The following TRRAP variants were observed in gnomAD, a reference collection of about 807,000 sequenced individuals.
The protein encoded by TRRAP is transformation/transcription domain-associated protein.
In TRRAP, 41 loss-of-function variants were observed where a neutral mutation model predicts 438.8. That is an observed-to-expected ratio of 0.09 (90% confidence interval 0.07 to 0.12). The LOEUF (loss-of-function observed/expected upper bound fraction) is 0.12, where lower values mean the gene tolerates loss of function less well. TRRAP is among the 10% of genes least tolerant of loss of function. The probability of loss-of-function intolerance (pLI) is 1.00; values close to 1 mark genes in which losing one functional copy is unlikely to be tolerated. For synonymous variants in TRRAP, 1,994 were observed against 1,962.9 expected (o/e 1.02, Z -0.42); for missense variants, 3,122 against 5,055.1 (o/e 0.62, Z 11.60).
chr7:98,977,016 G>T lies in TRRAP; in HGVS notation c.8325G>T (p.Arg2775=). The T allele has an allele frequency of 6.2e-7, 1 of 1,614,238 alleles. No individual in the cohort carries two copies. Among genetic ancestry groups the T allele is most frequent in the African/African-American group, 1.3e-5 (1 of 75,068 alleles). ...EDMWAGLWQK[R]CKYSETATAI... is the part of the protein sequence containing the mutation. ...TGTGGGCTGGTCTGTGGCAGAAGCG[G>T]TGCAAGTACTCGGAGACAGCGACTG... The change falls in exon 56 of 73, where the codon CGG becomes CGT. Residue 2775 remains arginine (R), a synonymous_variant. Coordinates refer to ENST00000456197, the MANE Select transcript of TRRAP (RefSeq NM_001375524.1).
rs765444179 is a variant in TRRAP, at chr7:98,961,308, A to G, written c.6537A>G (p.Glu2179=). Reference sequence around the variant, plus strand: ...ATGGGAATATCTGCACGGGCCTAGAAGTGCTGAGCTTCCTGCTAACTGTCC... The same window carrying G: ...ATGGGAATATCTGCACGGGCCTAGAGGTGCTGAGCTTCCTGCTAACTGTCC... ...VNYGNICTGL[E]VLSFLLTVLQ... The change falls in exon 46 of 73, where the codon GAA becomes GAG. Residue 2179 remains glutamate, a synonymous_variant. Transcript: ENST00000456197. 2.5e-6 allele frequency: 4 copies of G among 1,614,096 alleles called. No homozygotes were observed. The East Asian group carries it at 6.7e-5, about 27-fold the overall frequency.
intron 56 of TRRAP, 139 bp downstream of exon 56, chr7:98,977,215 G>A: frequency 8.3e-7 from 1 of 1,210,998 alleles, no homozygotes; most frequent in Non-Finnish European, 1.1e-6. Context: ...AGCCTGGAGT[G>A]CAGTGGCACA....
chr7:98,964,790 A>AC lies in TRRAP; in HGVS notation c.6976+17dup. 6.2e-7 allele frequency: 1 copy of AC among 1,607,104 alleles called. No homozygotes were observed. The highest frequency in any genetic ancestry group is 1.1e-5 in the South Asian group (1 of 90,000). On this transcript the variant is annotated intron_variant, in intron 48 of 72. Transcript: ENST00000456197. ...AGCCACCTCAGGTGATGTGCTGGCC[A>AC]CCGGGGGCCTTTCCTCAGACTCTGT...
chr7:98,981,265 G>C (rs1351224309), intron 58 of TRRAP, among the ~76,000 whole-genome samples: 3 of 152,136 alleles, frequency 2.0e-5, no homozygotes, highest in African/African-American at 7.2e-5. Context: ...ATCTGGGCAT[G>C]GTGGCACACG....
intron 33 of TRRAP, 105 bp downstream of exon 33, chr7:98,946,055 C>T (rs1791043197): frequency 1.7e-6 from 2 of 1,211,150 alleles, no homozygotes; most frequent in East Asian, 3.8e-5. Context: ...TGCGTTGTGC[C>T]CTTGAGTGCA....
chr7:98,948,374 G>T lies in TRRAP; in HGVS notation c.4668+34G>T. ...CATACTGAAGGCTGCTTCTCGCTCT[G>T]CCACCCTCCGGTGCTTATAGCGTCC... On this transcript the variant is annotated intron_variant, in intron 34 of 72. Transcript: ENST00000456197. This position sits in a 1 kb window ranked among gnomAD's most constrained non-coding sequence, Gnocchi z 4.9. 2 of 1,613,738 alleles carry T rather than the reference G, an allele frequency of 1.2e-6. No homozygotes were observed. The highest frequency in any genetic ancestry group is 1.7e-6 in the Non-Finnish European group (2 of 1,179,912).
At chr7:98,946,068 G>A in intron 33 of TRRAP, 118 bp downstream of exon 33, 1 of 1,060,348 alleles carries the variant, frequency 9.4e-7, no homozygotes, top group South Asian at 1.9e-5. Context: ...TGAGTGCAGT[G>A]ACCTGTATTG....
At chr7:98,925,391 T>G (rs1196913375) in intron 22 of TRRAP, 128 bp downstream of exon 22, 2 of 1,294,324 alleles carry the variant, frequency 1.5e-6, no homozygotes, top group Non-Finnish European at 2.1e-6. Context: ...CCATATTATC[T>G]ACCTACTCCT....
chr7:98,961,722 C>T (rs1330120937), intron 46 of TRRAP, among the ~76,000 whole-genome samples: 1 of 152,188 alleles, frequency 6.6e-6, no homozygotes, highest in Non-Finnish European at 1.5e-5. Flanking sequence ...GAATTCAAGA[C>T]CAGCCTGACC....
In TRRAP at chr7:98,990,505, C is replaced by T. The variant is rs140969926; in HGVS notation, c.9642C>T (p.Ala3214=). 2.2e-5 allele frequency: 35 copies of T among 1,613,990 alleles called. No individual in the cohort carries two copies. Among genetic ancestry groups the T allele is most frequent in the South Asian group, 1.8e-4 (16 of 91,078 alleles). ...ATGACAAAAACACTTTGGCAGATGCCGTCGACAAGTACTGCATTGGTGTGC... is the reference window on the plus strand; with the variant it reads ...ATGACAAAAACACTTTGGCAGATGCTGTCGACAAGTACTGCATTGGTGTGC... The part of the protein sequence containing the change: ...FDDDKNTLAD[A]VDKYCIGVPP... The change falls in exon 64 of 73, where the codon GCC becomes GCT. Residue 3214 remains alanine, a synonymous_variant. Coordinates refer to ENST00000456197, the MANE Select transcript of TRRAP (RefSeq NM_001375524.1).
At chr7:98,971,998 A>G in intron 53 of TRRAP, 53 bp downstream of exon 53, 1 of 1,582,852 alleles carries the variant, frequency 6.3e-7, no homozygotes, top group Non-Finnish European at 8.6e-7. Flanking sequence ...GGACAGTTCA[A>G]AGCCTAAATC....
At chr7:98,887,133 T>C (rs1434847183) in intron 3 of TRRAP, among the ~76,000 whole-genome samples, 1 of 152,176 alleles carries the variant, frequency 6.6e-6, no homozygotes, top group African/African-American at 2.4e-5. Flanking sequence ...TTGCCCCAGC[T>C]GGTCTTGAAC....
At chr7:98,960,345 G>T (rs1332441776) in intron 45 of TRRAP, among the ~76,000 whole-genome samples, 1 of 152,120 alleles carries the variant, frequency 6.6e-6, no homozygotes, top group African/African-American at 2.4e-5. Context: ...GGTTTTTCTA[G>T]TTCTTGACAG....
intron 12 of TRRAP, among the ~76,000 whole-genome samples, chr7:98,904,286 A>G (rs1442772279): frequency 2.0e-5 from 3 of 151,954 alleles, no homozygotes; most frequent in Non-Finnish European, 4.4e-5. Flanking sequence ...GATCCTGACC[A>G]TCCTGGCTGA....
At chr7:98,984,786 GTCAA>G (rs748481962) in intron 61 of TRRAP, among the ~76,000 whole-genome samples, 154 bp from the exon 62 acceptor site, 2 of 152,124 alleles carry the variant, frequency 1.3e-5, no homozygotes, top group Non-Finnish European at 2.9e-5. Flanking sequence ...AATTCTGAAC[GTCAA>G]TCAATAAATA....
intron 5 of TRRAP, among the ~76,000 whole-genome samples, chr7:98,893,391 C>CA (rs1251017660): frequency 3.3e-5 from 5 of 152,226 alleles, no homozygotes; most frequent in Admixed American, 2.6e-4. Context: ...CATGCCCTCA[C>CA]AGGTCAGATG....
At chr7:98,999,024 C>T in intron 67 of TRRAP, 2 of 751,756 alleles carry the variant, frequency 2.7e-6, no homozygotes, top group Non-Finnish European at 4.4e-6. Flanking sequence ...CCACATCTGC[C>T]ACCAGCTCCA....
chr7:98,888,389 T>C (rs1584268427), intron 3 of TRRAP, among the ~76,000 whole-genome samples: 1 of 150,920 alleles, frequency 6.6e-6, no homozygotes, highest in South Asian at 2.1e-4. Context: ...AAAAAAAAGT[T>C]AGCCAGGCGT....
Position 98,978,894 on chromosome 7 carries a change from C to G in TRRAP, c.8624C>G (p.Ala2875Gly), listed in dbSNP as rs1325477433. ...TCCAACTGGACTGCCATGAAGGAGG[C>G]GCTGGTGCAGGTGAGACGCCCCGGG... is the stretch of plus-strand genomic sequence containing the variant. ...RVSNWTAMKE[A>G]LVQVEVSCPK... Residue 2875 changes from alanine to glycine, a missense_variant, in exon 58 of 73, where the codon GCG becomes GGG. Around this residue, in one of 24 missense-constraint regions of TRRAP, gnomAD observed 992 missense variants for 1,281.2 expected, o/e 0.77. Coordinates refer to ENST00000456197, the MANE Select transcript of TRRAP (RefSeq NM_001375524.1). 1 of 1,614,006 alleles carries G rather than the reference C, an allele frequency of 6.2e-7. No individual in the cohort carries two copies. Among genetic ancestry groups the G allele is most frequent in the African/African-American group, 1.3e-5 (1 of 75,064 alleles).
Sources: allele counts gnomAD v4.1 joint callset (sites outside exome capture counted in the v4.1 genomes callset), GRCh38; gene constraint gnomAD v4.1.1; regional missense constraint gnomAD v4.1.1; non-coding constraint Gnocchi (gnomAD v3.1); transcripts MANE v1.5; gene names NCBI Gene and HGNC (gene_info 2026-07-23, HGNC 2026-07-21).